Variants in SCAI observed in about 807,000 individuals in gnomAD.
SCAI encodes protein SCAI.
A neutral mutation model predicts 92.2 loss-of-function variants in SCAI; 24 were observed. The ratio of observed to expected loss-of-function variants is 0.26; its 90% confidence interval spans 0.19 to 0.37. The LOEUF (loss-of-function observed/expected upper bound fraction) is 0.37, where lower values mean the gene tolerates loss of function less well. SCAI is among the 10% of genes least tolerant of loss of function. SCAI has a pLI of 1.00. For missense variants in SCAI, 450 were observed against 736.2 expected (o/e 0.61, Z 4.50); for synonymous variants, 261 against 258.6 (o/e 1.01, Z -0.09).
intron 13 of SCAI, among the ~76,000 whole-genome samples, chr9:124,995,356 G>A (rs1368482946): frequency 3.3e-5 from 5 of 152,082 alleles, no homozygotes; most frequent in African/African-American, 9.7e-5. Flanking sequence ...AGAACATCTG[G>A]AAACAAGATG....
In SCAI at chr9:124,994,995, T is replaced by C. The variant is rs1343382491; in HGVS notation, c.1265A>G (p.Tyr422Cys). 6.8e-6 allele frequency: 11 copies of C among 1,612,118 alleles called. No homozygotes were observed. The highest frequency in any genetic ancestry group is 5.0e-5 in the Admixed American group (3 of 59,792). The change falls in exon 14 of 18, where the codon TAT (tyrosine) becomes TGT (cysteine). Residue 422 changes from tyrosine (Y) to cysteine (C), a missense_variant. Transcript: ENST00000336505. ...EMHCLHPGDLYPFTRKPLFII... is the reference protein window; with the variant it reads ...EMHCLHPGDLCPFTRKPLFII... ...GAACAGTGGCTTCCTGGTGAAAGGA[T>C]AGAGATCCCCGGGATGAAGGCTGGG...
intron 3 of SCAI, among the ~76,000 whole-genome samples, chr9:125,047,430 G>T (rs1833466349): frequency 6.6e-6 from 1 of 152,076 alleles, no homozygotes; most frequent in Non-Finnish European, 1.5e-5. Flanking sequence ...TCAGTCTATG[G>T]CACCTTGTTA....
At chr9:124,982,679 C>CAAA (rs35467160) in intron 14 of SCAI, among the ~76,000 whole-genome samples, 6 of 74,072 alleles carry the variant, frequency 8.1e-5, no homozygotes, top group Non-Finnish European at 1.1e-4. Context: ...GACTCTGTCT[C>CAAA]AAAAAAAAAA....
chr9:125,043,227 A>T (rs912196451), intron 3 of SCAI, among the ~76,000 whole-genome samples: 18 of 152,176 alleles, frequency 1.2e-4, no homozygotes, highest in Admixed American at 1.2e-3. Flanking sequence ...AAGGCAAAGG[A>T]ATAAGCCAAC....
chr9:125,082,670 A>G (rs1028414494), intron 2 of SCAI, among the ~76,000 whole-genome samples: 3 of 152,254 alleles, frequency 2.0e-5, no homozygotes, highest in African/African-American at 7.2e-5. Context: ...TTGCATCAGC[A>G]TGACCTGGGT....
At chr9:124,970,848 C>G (rs1164576750) in intron 17 of SCAI, among the ~76,000 whole-genome samples, 2 of 151,744 alleles carry the variant, frequency 1.3e-5, no homozygotes, top group African/African-American at 2.4e-5. Context: ...GAGTTTCGTT[C>G]TTGTCGTCCA....
At chr9:125,122,398 G>A (rs1043685395) in intron 2 of SCAI, among the ~76,000 whole-genome samples, 1 of 150,300 alleles carries the variant, frequency 6.7e-6, no homozygotes, top group Non-Finnish European at 1.5e-5. Flanking sequence ...AGACCAGCCT[G>A]GCCAAGATGG....
intron 2 of SCAI, among the ~76,000 whole-genome samples, chr9:125,138,974 G>A (rs1398833723): frequency 1.3e-5 from 2 of 152,206 alleles, no homozygotes; most frequent in Admixed American, 1.3e-4. Context: ...TTTCATGTAA[G>A]TGTATGTACA....
intron 6 of SCAI, among the ~76,000 whole-genome samples, chr9:125,025,201 G>C (rs905979027): frequency 6.6e-6 from 1 of 152,136 alleles, no homozygotes; most frequent in Admixed American, 6.5e-5. Flanking sequence ...GCAAGGTCAA[G>C]GTTTTGCACA....
At chr9:125,133,852 G>A (rs989519513) in intron 2 of SCAI, among the ~76,000 whole-genome samples, 1 of 152,164 alleles carries the variant, frequency 6.6e-6, no homozygotes, top group African/African-American at 2.4e-5. Flanking sequence ...ATGACATTTT[G>A]AGCTGGGGAA....
At chr9:124,968,724 A>C in intron 17 of SCAI, 8 of 1,392,160 alleles carry the variant, frequency 5.7e-6, no homozygotes, top group Non-Finnish European at 3.1e-6. Flanking sequence ...CTGCTTTTTG[A>C]CATTCCGAAT....
intron 9 of SCAI, among the ~76,000 whole-genome samples, chr9:125,011,917 T>C (rs1027453965): frequency 6.6e-6 from 1 of 152,204 alleles, no homozygotes; most frequent in Admixed American, 6.5e-5. Context: ...CAGAATTTCA[T>C]ATCCAGCCAA....
At chr9:125,011,257 C>T (rs1292736981) in intron 9 of SCAI, among the ~76,000 whole-genome samples, 2 of 152,120 alleles carry the variant, frequency 1.3e-5, no homozygotes, top group Non-Finnish European at 2.9e-5. Context: ...GAAATTCAAA[C>T]CAAAGGCAAA....
At chr9:125,051,611 T>C (rs1833561751) in intron 3 of SCAI, among the ~76,000 whole-genome samples, 1 of 152,240 alleles carries the variant, frequency 6.6e-6, no homozygotes, top group African/African-American at 2.4e-5. Flanking sequence ...TACAATGGTA[T>C]GTATGTATCA....
At chr9:124,978,676 C>T (rs867713312) in intron 14 of SCAI, among the ~76,000 whole-genome samples, 1 of 151,988 alleles carries the variant, frequency 6.6e-6, no homozygotes, top group South Asian at 2.1e-4. Flanking sequence ...AATAAAATAA[C>T]GTAAGTATTA....
chr9:125,138,605 G>A lies in SCAI; in HGVS notation c.98+4028C>T, dbSNP rs144779265. On this transcript the variant is annotated intron_variant, in intron 2 of 17. Coordinates refer to ENST00000336505, the MANE Select transcript of SCAI (RefSeq NM_001144877.3). The stretch of plus-strand genomic sequence containing the variant: ...GATTTTTTTTGTTTTTAGTAGAGAC[G>A]TGGTTTCACTGTGTTAGCCAGGATG... Among the ~76,000 whole-genome samples, 942 of 152,160 alleles carry A rather than the reference G, an allele frequency of 6.2e-3. 5 individuals are homozygous for A. Among genetic ancestry groups the A allele is most frequent in the Non-Finnish European group, 8.6e-3 (585 of 67,990 alleles).
At chr9:125,023,219 A>G (rs1832904577) in intron 6 of SCAI, among the ~76,000 whole-genome samples, 1 of 152,076 alleles carries the variant, frequency 6.6e-6, no homozygotes, top group East Asian at 1.9e-4. Flanking sequence ...TTCCCCTTCT[A>G]GTTTCAATTT....
rs1019966451 is a variant in SCAI, at chr9:124,953,859, C to G, written c.1675-906G>C. On this transcript the variant is annotated intron_variant, in intron 17 of 17. Coordinates refer to ENST00000336505, the MANE Select transcript of SCAI (RefSeq NM_001144877.3). ...AACTTCTCTCTACCTATAGGACTCA[C>G]TCACACATTACAAAAATAAATTTTT... Among the ~76,000 whole-genome samples, 5 of 152,244 alleles carry G rather than the reference C, an allele frequency of 3.3e-5. No homozygotes were observed. The East Asian group carries it at 9.6e-4, about 29-fold the overall frequency.
chr9:124,980,065 A>T (rs1254566872), intron 14 of SCAI, among the ~76,000 whole-genome samples: 2 of 151,920 alleles, frequency 1.3e-5, no homozygotes, highest in Non-Finnish European at 2.9e-5. Context: ...AAAAAAAAAA[A>T]AATTAAGCAA....
Sources: gnomAD v4.1 joint callset for allele counts (sites outside exome capture counted in the v4.1 genomes callset) on GRCh38, gnomAD v4.1.1 for gene constraint, MANE v1.5 for transcripts, NCBI Gene and HGNC (gene_info 2026-07-23, HGNC 2026-07-21) for gene names.